FRAS1: variants seen among roughly 807,000 people sequenced by gnomAD.
FRAS1 encodes extracellular matrix organizing protein FRAS1.
In FRAS1, 290 loss-of-function variants were observed where a neutral mutation model predicts 435.2. That is an observed-to-expected ratio of 0.67 (90% CI 0.61 to 0.73). FRAS1 has a LOEUF of 0.73. Ranked by LOEUF, FRAS1 falls within the 30% of genes least tolerant of loss-of-function variation. The pLI is 0.00. For synonymous variants in FRAS1, 1,800 were observed against 1,851.0 expected, an observed-to-expected ratio of 0.97 and a Z score of 0.71; for missense variants, 4,860 against 5,001.5, an observed-to-expected ratio of 0.97 and a Z score of 0.85.
chr4:78,081,173 A>G lies in FRAS1; in HGVS notation c.108+15157A>G, dbSNP rs940753676. On this transcript the variant is annotated intron_variant, in intron 2 of 73. Coordinates refer to ENST00000512123, the MANE Select transcript of FRAS1 (RefSeq NM_025074.7). Reference sequence around the variant, plus strand: ...GAAAGCTAGACTGTAAAGGGCAACAACAGGTTCCCTGAGAGAAAAGTCCCC... The same window carrying G: ...GAAAGCTAGACTGTAAAGGGCAACAGCAGGTTCCCTGAGAGAAAAGTCCCC... Among the ~76,000 whole-genome samples the G allele has an allele frequency of 2.0e-5, 3 of 152,218 alleles. No individual in the cohort carries two copies. The East Asian group carries it at 5.8e-4, about 29-fold the overall frequency.
chr4:78,537,344 G>C, intron 72 of FRAS1, 144 bp downstream of exon 72: 1 of 760,816 alleles, frequency 1.3e-6, no homozygotes, highest in Non-Finnish European at 2.1e-6. Flanking sequence ...TTTCAGATCA[G>C]CTAAATACTA....
chr4:78,130,915 T>C (rs1719652966), intron 2 of FRAS1, among the ~76,000 whole-genome samples: 1 of 152,228 alleles, frequency 6.6e-6, no homozygotes, highest in South Asian at 2.1e-4. Context: ...AAGAGCAAAC[T>C]TGAGAAAGAG....
intron 2 of FRAS1, among the ~76,000 whole-genome samples, chr4:78,153,109 C>CAA (rs903457906): frequency 5.3e-5 from 8 of 152,128 alleles, no homozygotes; most frequent in Non-Finnish European, 1.2e-4. Flanking sequence ...ACTGATGCTG[C>CAA]AATGATCTTC....
chr4:78,066,032 C>T lies in FRAS1; in HGVS notation c.108+16C>T. The T allele has an allele frequency of 6.3e-7, 1 of 1,582,156 alleles. No homozygotes were observed. On this transcript the variant is annotated intron_variant, in intron 2 of 73. Coordinates refer to ENST00000512123, the MANE Select transcript of FRAS1 (RefSeq NM_025074.7). ...CTTGTTGGCGGTAGGTCATTCTTTA[C>T]ATACTTGGTTTCTGTCATTTGAATG... is the stretch of plus-strand genomic sequence containing the variant.
intron 2 of FRAS1, among the ~76,000 whole-genome samples, chr4:78,204,472 T>C (rs1221192247): frequency 6.6e-6 from 1 of 152,176 alleles, no homozygotes; most frequent in African/African-American, 2.4e-5. Flanking sequence ...AATTATAGAG[T>C]GAGATAAGTG....
chr4:78,347,603 G>A (rs1264870268), intron 20 of FRAS1, among the ~76,000 whole-genome samples: 2 of 152,098 alleles, frequency 1.3e-5, no homozygotes, highest in Non-Finnish European at 2.9e-5. Flanking sequence ...CCTCTGTGCT[G>A]TTACATGCTC....
intron 2 of FRAS1, among the ~76,000 whole-genome samples, chr4:78,127,959 G>A (rs1260479601): frequency 2.1e-5 from 3 of 141,244 alleles, no homozygotes; most frequent in Non-Finnish European, 4.5e-5. Flanking sequence ...GTGTCCATGT[G>A]TTCTCATTGT....
intron 18 of FRAS1, among the ~76,000 whole-genome samples, chr4:78,331,696 GGCA>G (rs1729956890): frequency 6.6e-6 from 1 of 152,066 alleles, no homozygotes; most frequent in Admixed American, 6.6e-5. Context: ...TTGTCCATTG[GGCA>G]GAAGATGGCC....
intron 2 of FRAS1, among the ~76,000 whole-genome samples, chr4:78,090,909 A>T (rs1438842986): frequency 6.6e-6 from 1 of 152,256 alleles, no homozygotes; most frequent in Admixed American, 6.5e-5. Context: ...TGCAGCATAA[A>T]GGATAAATTT....
At chr4:78,314,073 T>C (rs1729138043) in intron 15 of FRAS1, among the ~76,000 whole-genome samples, 1 of 152,066 alleles carries the variant, frequency 6.6e-6, no homozygotes, top group African/African-American at 2.4e-5. Context: ...TCATTTCTTC[T>C]TGGTCACCTG....
intron 59 of FRAS1, among the ~76,000 whole-genome samples, chr4:78,493,310 A>G (rs1051782592): frequency 6.6e-6 from 1 of 152,216 alleles, no homozygotes; most frequent in Admixed American, 6.5e-5. Flanking sequence ...CTGGGTATAT[A>G]CCCAAAGAAT....
chr4:78,286,612 TG>T (rs1727621331), intron 14 of FRAS1, 73 bp downstream of exon 14: 9 of 1,512,616 alleles, frequency 5.9e-6, no homozygotes, highest in Non-Finnish European at 8.1e-6. Context: ...CCAAGTGATC[TG>T]GGGACACCAG....
intron 2 of FRAS1, among the ~76,000 whole-genome samples, chr4:78,197,139 C>T (rs2110071295): frequency 6.6e-6 from 1 of 152,220 alleles, no homozygotes; most frequent in South Asian, 2.1e-4. Context: ...AACAATGATG[C>T]TTATCATTTA....
At chr4:78,058,196 AG>A (rs1490112060) in intron 1 of FRAS1, 111 bp downstream of exon 1, 6 of 957,074 alleles carry the variant, frequency 6.3e-6, no homozygotes, top group Non-Finnish European at 9.2e-6. Flanking sequence ...TATTTCGGTG[AG>A]GTGGAAGTTT....
intron 2 of FRAS1, among the ~76,000 whole-genome samples, chr4:78,162,447 A>G (rs1296450778): frequency 2.0e-5 from 3 of 152,120 alleles, no homozygotes; most frequent in African/African-American, 7.2e-5. Context: ...GCACTGCAGG[A>G]CTCCCACATT....
intron 68 of FRAS1, among the ~76,000 whole-genome samples, chr4:78,522,265 A>G (rs527284467): frequency 2.0e-5 from 3 of 152,304 alleles, no homozygotes; most frequent in Admixed American, 6.5e-5. Flanking sequence ...TGATATTTCC[A>G]TTTATAAACT....
chr4:78,161,565 A>AT (rs1721137638), intron 2 of FRAS1, among the ~76,000 whole-genome samples: 1 of 151,996 alleles, frequency 6.6e-6, no homozygotes, highest in African/African-American at 2.4e-5. Context: ...TTATTTCTAG[A>AT]TAAAGTCTTC....
chr4:78,460,417 T>C (rs923781830), intron 47 of FRAS1, among the ~76,000 whole-genome samples: 2 of 152,218 alleles, frequency 1.3e-5, no homozygotes, highest in African/African-American at 4.8e-5. Context: ...AGCAACTACC[T>C]GCTGTGACAG....
intron 2 of FRAS1, among the ~76,000 whole-genome samples, chr4:78,174,528 T>A (rs544589235): frequency 6.6e-6 from 1 of 152,250 alleles, no homozygotes; most frequent in Admixed American, 6.5e-5. Context: ...CTACCTGGGA[T>A]ATAACCAGTA....
Sources: gnomAD v4.1 joint callset for allele counts (sites outside exome capture counted in the v4.1 genomes callset) on GRCh38, gnomAD v4.1.1 for gene constraint, MANE v1.5 for transcripts, NCBI Gene and HGNC (gene_info 2026-07-23, HGNC 2026-07-21) for gene names.